Variants in PHF20 observed in about 807,000 individuals in gnomAD.
The protein encoded by PHF20 is PHD finger protein 20.
A neutral mutation model predicts 113.5 loss-of-function variants in PHF20; 23 were observed. That is an observed-to-expected ratio of 0.20 (90% confidence interval 0.15 to 0.29). The LOEUF (loss-of-function observed/expected upper bound fraction) is 0.29, where lower values mean the gene tolerates loss of function less well. PHF20 is among the 10% of genes least tolerant of loss of function. The probability of loss-of-function intolerance (pLI) is 1.00; values close to 1 mark genes in which losing one functional copy is unlikely to be tolerated. For synonymous variants in PHF20, 434 were observed against 457.3 expected, an observed-to-expected ratio of 0.95 and a Z score of 0.65; for missense variants, 943 against 1,219.6, an observed-to-expected ratio of 0.77 and a Z score of 3.38.
At chr20:35,856,677 G>A (rs187086589) in intron 4 of PHF20, 8 of 152,306 alleles carry the variant, frequency 5.3e-5, no homozygotes, top group Admixed American at 3.3e-4. Context: ...AGTTCAGATC[G>A]GGGGTAATCA....
rs1048888503 is a variant in PHF20 at position 35,863,284 on chromosome 20, A to G, written c.692A>G (p.Tyr231Cys). ...KENISENDRE[Y>C]SGDAQVDKKP... Reference sequence around the variant, plus strand: ...AACATTTCCGAAAATGACAGAGAGTATTCTGGAGATGCCCAAGTGGATAAG... The same window carrying G: ...AACATTTCCGAAAATGACAGAGAGTGTTCTGGAGATGCCCAAGTGGATAAG... The change falls in exon 6 of 18, where the codon TAT becomes TGT. Residue 231 changes from tyrosine to cysteine, a missense_variant. Physicochemically the swap from Tyr to Cys is radical, Grantham distance 194 (BLOSUM62 -2). This residue lies in a region of PHF20 where 592 missense variants were observed against 787.2 expected (regional missense o/e 0.75). Transcript: ENST00000374012. The G allele has an allele frequency of 8.7e-6, 14 of 1,614,100 alleles. No homozygotes were observed. The highest frequency in any genetic ancestry group is 1.7e-5 in the Admixed American group (1 of 60,010).
chr20:35,934,515 G>A (rs960703162), intron 15 of PHF20, among the ~76,000 whole-genome samples: 1 of 152,228 alleles, frequency 6.6e-6, no homozygotes, highest in African/African-American at 2.4e-5. Flanking sequence ...TTATCTGCAT[G>A]GTCTTAGGTT....
chr20:35,850,588 T>G (rs1392396902), intron 4 of PHF20: 3 of 76,638 alleles, frequency 3.9e-5, no homozygotes, highest in African/African-American at 1.5e-4. Flanking sequence ...ATGAGCTGTT[T>G]TTTTTTTTTT....
intron 2 of PHF20, among the ~76,000 whole-genome samples, chr20:35,825,470 A>G (rs2042243998): frequency 1.3e-5 from 2 of 152,194 alleles, no homozygotes. Flanking sequence ...GTAGCTAATG[A>G]CAGGCCTCAA....
At chr20:35,850,179 GTGT>G (rs1315047862) in intron 4 of PHF20, among the ~76,000 whole-genome samples, 1 of 151,794 alleles carries the variant, frequency 6.6e-6, no homozygotes, top group Non-Finnish European at 1.5e-5. Context: ...CCCTCAGTCT[GTGT>G]TGTTACAAAA....
intron 5 of PHF20, among the ~76,000 whole-genome samples, 182 bp from the exon 6 acceptor site, chr20:35,862,831 T>G (rs1288828541): frequency 6.6e-6 from 1 of 152,240 alleles, no homozygotes; most frequent in Non-Finnish European, 1.5e-5. Flanking sequence ...TGAATTGTTT[T>G]AAGTTTAAGG....
At position 35,944,922 on chromosome 20, in the gene PHF20, A is replaced by G. The variant is rs111611844; in HGVS notation, c.2897-2563A>G. On this transcript the variant is annotated intron_variant, in intron 17 of 17. Transcript: ENST00000374012. ...CCCTGTCTCCTTCTAGTTTTTTTTAAAGACTTACTGGTGTTTTGAAACTGG... is the reference window on the plus strand; with the variant it reads ...CCCTGTCTCCTTCTAGTTTTTTTTAGAGACTTACTGGTGTTTTGAAACTGG... Among the ~76,000 whole-genome samples the G allele has an allele frequency of 2.4e-3, 360 of 152,156 alleles. 3 individuals are homozygous for G. Among genetic ancestry groups the G allele is most frequent in the African/African-American group, 8.6e-3 (356 of 41,504 alleles).
At chr20:35,855,622 G>A (rs1048011125) in intron 4 of PHF20, 3 of 151,862 alleles carry the variant, frequency 2.0e-5, no homozygotes, top group Non-Finnish European at 4.4e-5. Context: ...TATATATCAC[G>A]CCAAGCATTT....
chr20:35,859,218 A>T (rs1416625056), intron 5 of PHF20, among the ~76,000 whole-genome samples: 1 of 152,180 alleles, frequency 6.6e-6, no homozygotes, highest in African/African-American at 2.4e-5. Flanking sequence ...TACTTGCCTG[A>T]GCATGGGGCC....
At chr20:35,946,686 T>G (rs201800046) in intron 17 of PHF20, among the ~76,000 whole-genome samples, 2 of 99,598 alleles carry the variant, frequency 2.0e-5, no homozygotes, top group Non-Finnish European at 4.1e-5. Flanking sequence ...ATTTTATTTA[T>G]TTTATTTTAT....
At chr20:35,884,054 G>A (rs186774884) in intron 9 of PHF20, among the ~76,000 whole-genome samples, 1 of 152,162 alleles carries the variant, frequency 6.6e-6, no homozygotes, top group African/African-American at 2.4e-5. Flanking sequence ...TGGTGTTTCT[G>A]GTGTTTCTTT....
At chr20:35,812,614 T>C (rs1031505684) in intron 2 of PHF20, among the ~76,000 whole-genome samples, 1 of 152,180 alleles carries the variant, frequency 6.6e-6, no homozygotes, top group Non-Finnish European at 1.5e-5. Context: ...TTAAACATTT[T>C]TTTTGCAGAG....
rs115093064 is a variant in PHF20 at position 35,827,165 on chromosome 20, G to A, written c.84-15408G>A. Among the ~76,000 whole-genome samples the A allele has an allele frequency of 8.0e-3, 1,219 of 152,204 alleles. 18 individuals carry two copies. Among genetic ancestry groups the A allele is most frequent in the African/African-American group, 0.028 (1,165 of 41,524 alleles). ...CGCCCAGGCTGGAGTGCAATGGTAC[G>A]ATTTTGGCTCACCGCAACCTCTGCC... On this transcript the variant is annotated intron_variant, in intron 2 of 17. Coordinates refer to ENST00000374012, the MANE Select transcript of PHF20 (RefSeq NM_016436.5).
At chr20:35,779,496 A>G (rs1473149301) in intron 1 of PHF20, among the ~76,000 whole-genome samples, 2 of 149,610 alleles carry the variant, frequency 1.3e-5, no homozygotes, top group Non-Finnish European at 3.0e-5. Flanking sequence ...GAAAAAGTCC[A>G]TAGCTGGTGG....
At chr20:35,775,279 T>C (rs1013144430) in intron 1 of PHF20, among the ~76,000 whole-genome samples, 12 of 152,148 alleles carry the variant, frequency 7.9e-5, no homozygotes, top group Admixed American at 5.9e-4. Context: ...AACTACACTT[T>C]TAGTAGTGAG....
chr20:35,917,756 G>A (rs1340810750), intron 13 of PHF20, 94 bp downstream of exon 13: 1 of 1,098,620 alleles, frequency 9.1e-7, no homozygotes, highest in Non-Finnish European at 1.3e-6. Flanking sequence ...TCATAGCAGA[G>A]CCCCAGAAAC....
At chr20:35,847,580 G>A in intron 4 of PHF20, 146 bp downstream of exon 4, 2 of 571,804 alleles carry the variant, frequency 3.5e-6, no homozygotes, top group Non-Finnish European at 6.2e-6. Flanking sequence ...TATGTCAGGA[G>A]TTGGGTAGAA....
At chr20:35,789,157 T>G (rs2041485667) in intron 1 of PHF20, among the ~76,000 whole-genome samples, 1 of 151,964 alleles carries the variant, frequency 6.6e-6, no homozygotes, top group Admixed American at 6.6e-5. Context: ...GGCTTATGCC[T>G]TTAACCCCAG....
At position 35,935,937 on chromosome 20, in the gene PHF20, A is replaced by G. The variant is rs2055855873; in HGVS notation, c.2301-2760A>G. On this transcript the variant is annotated intron_variant, in intron 15 of 17. Transcript: ENST00000374012. ...CTGGTGAATTTATTTTCGAAGACAA[A>G]CAATAAAACTGGGAGTAACTTCAGA... Among the ~76,000 whole-genome samples, 4 of 152,186 alleles carry G rather than the reference A, an allele frequency of 2.6e-5. No individual in the cohort carries two copies. The South Asian group carries it at 8.3e-4, about 31-fold the overall frequency.
Sources: allele counts gnomAD v4.1 joint callset (sites outside exome capture counted in the v4.1 genomes callset), GRCh38; gene constraint gnomAD v4.1.1; regional missense constraint gnomAD v4.1.1; transcripts MANE v1.5; gene names NCBI Gene and HGNC (gene_info 2026-07-23, HGNC 2026-07-21).